The following PRORP variants were observed in gnomAD, a reference collection of about 807,000 sequenced individuals.
The protein encoded by PRORP is mitochondrial ribonuclease P catalytic subunit.
In PRORP, 51 loss-of-function variants were observed where a neutral mutation model predicts 59.4. That is an observed-to-expected ratio of 0.86 (90% CI 0.69 to 1.08). The LOEUF (loss-of-function observed/expected upper bound fraction) is 1.08. PRORP is among the 50% of genes least tolerant of loss of function. The pLI, the probability that PRORP is intolerant of heterozygous loss-of-function variation, is 0.00. For missense variants in PRORP, 646 were observed against 690.3 expected (o/e 0.94, Z 0.72); for synonymous variants, 231 against 245.6 (o/e 0.94, Z 0.55).
chr14:35,178,370 G>T (rs1267090023), intron 4 of PRORP, among the ~76,000 whole-genome samples: 2 of 152,086 alleles, frequency 1.3e-5, no homozygotes, highest in Non-Finnish European at 2.9e-5. Context: ...TTATTGTGTG[G>T]GTGTCTAAGT....
chr14:35,243,163 A>G (rs888467447), intron 5 of PRORP, among the ~76,000 whole-genome samples: 1 of 152,204 alleles, frequency 6.6e-6, no homozygotes, highest in African/African-American at 2.4e-5. Flanking sequence ...AAAAGTACCT[A>G]AGGATTTCCC....
At chr14:35,212,883 G>C (rs1425244326) in intron 5 of PRORP, among the ~76,000 whole-genome samples, 1 of 152,138 alleles carries the variant, frequency 6.6e-6, no homozygotes, top group Non-Finnish European at 1.5e-5. Flanking sequence ...CTAATAGAAG[G>C]CTTTTTTGTC....
At chr14:35,224,117 T>C (rs2049869367) in intron 5 of PRORP, among the ~76,000 whole-genome samples, 1 of 152,198 alleles carries the variant, frequency 6.6e-6, no homozygotes, top group Non-Finnish European at 1.5e-5. Context: ...ATACTGTTTA[T>C]CTTTTAGCTA....
chr14:35,240,686 C>T (rs2050342987), intron 5 of PRORP, among the ~76,000 whole-genome samples: 1 of 151,958 alleles, frequency 6.6e-6, no homozygotes, highest in East Asian at 1.9e-4. Flanking sequence ...ATTGAGTTAC[C>T]CAAGCCAGCA....
intron 5 of PRORP, among the ~76,000 whole-genome samples, chr14:35,215,105 C>T (rs557559901): frequency 6.6e-6 from 1 of 151,940 alleles, no homozygotes; most frequent in African/African-American, 2.4e-5. Context: ...TTATGATCTT[C>T]GGTGGTCTCT....
intron 4 of PRORP, chr14:35,144,445 A>G (rs2047558262): frequency 6.8e-6 from 1 of 146,000 alleles, no homozygotes; most frequent in Admixed American, 7.1e-5. Context: ...TGGCTTTGGG[A>G]GGAGCAGGGA....
At chr14:35,269,317 A>G (rs1296253134) in intron 6 of PRORP, among the ~76,000 whole-genome samples, 2 of 152,214 alleles carry the variant, frequency 1.3e-5, no homozygotes, top group East Asian at 3.8e-4. Flanking sequence ...GAAAAATTAG[A>G]TAAATTTGAA....
intron 4 of PRORP, among the ~76,000 whole-genome samples, chr14:35,163,466 T>C (rs1478926974): frequency 6.6e-6 from 1 of 152,180 alleles, no homozygotes; most frequent in Non-Finnish European, 1.5e-5. Flanking sequence ...TTCTAACTGG[T>C]TTGAGATGGC....
intron 5 of PRORP, among the ~76,000 whole-genome samples, chr14:35,199,393 C>A (rs1359273756): frequency 6.6e-6 from 1 of 151,742 alleles, no homozygotes; most frequent in Non-Finnish European, 1.5e-5. Flanking sequence ...TGTGTCCACT[C>A]CACATTCATG....
chr14:35,157,564 AT>A (rs2047947137), intron 4 of PRORP, among the ~76,000 whole-genome samples: 1 of 152,030 alleles, frequency 6.6e-6, no homozygotes, highest in Non-Finnish European at 1.5e-5. Flanking sequence ...TAATTTTTGT[AT>A]TTTTAGTAGA....
At chr14:35,158,677 A>G (rs2047981617) in intron 4 of PRORP, 5 of 405,594 alleles carry the variant, frequency 1.2e-5, no homozygotes, top group South Asian at 9.2e-5. Context: ...CAGATTTACT[A>G]TCAATGTAGT....
rs1347131198 is a variant in PRORP, at chr14:35,138,078, T to C, written c.1167+10467T>C. Among the ~76,000 whole-genome samples the C allele has an allele frequency of 1.4e-5, 2 of 145,870 alleles. 1 individual carries two copies. Among genetic ancestry groups the C allele is most frequent in the Non-Finnish European group, 3.0e-5 (2 of 65,590 alleles). ...GTCCAAGATCAAGGTGTTGTCAGCT[T>C]TGGTTTCTCTTGATCCCTCTCTCTT... On this transcript the variant is annotated intron_variant, in intron 4 of 7. Transcript: ENST00000534898.
intron 4 of PRORP, among the ~76,000 whole-genome samples, chr14:35,170,137 T>C (rs540669825): frequency 3.9e-5 from 6 of 152,334 alleles, no homozygotes; most frequent in Admixed American, 2.6e-4. Flanking sequence ...CTTAAGCTTA[T>C]TGATGCATGA....
chr14:35,193,742 T>C lies in PRORP; in HGVS notation c.1275+12965T>C, dbSNP rs187180618. Among the ~76,000 whole-genome samples the C allele has an allele frequency of 2.1e-3, 313 of 152,026 alleles. 4 individuals carry two copies. Among genetic ancestry groups the C allele is most frequent in the Non-Finnish European group, 8.8e-4 (60 of 67,980 alleles). On this transcript the variant is annotated intron_variant, in intron 5 of 7. Transcript: ENST00000534898. ...GTGGGAAGGAAACTTAGAAATACCC[T>C]ATTATGTTTACAATAGGAAATGTTA...
intron 7 of PRORP, among the ~76,000 whole-genome samples, chr14:35,271,156 C>CTTTTTTT (rs762721923): frequency 1.7e-5 from 2 of 114,562 alleles, no homozygotes; most frequent in Non-Finnish European, 3.6e-5. Flanking sequence ...ATTATGACTT[C>CTTTTTTT]TTTTTTTTTT....
chr14:35,211,150 T>C (rs1050701136), intron 5 of PRORP, among the ~76,000 whole-genome samples: 1 of 152,202 alleles, frequency 6.6e-6, no homozygotes, highest in Non-Finnish European at 1.5e-5. Context: ...AACAGTGATA[T>C]ACATATATAG....
intron 5 of PRORP, among the ~76,000 whole-genome samples, chr14:35,197,002 A>G (rs1443976413): frequency 6.6e-6 from 1 of 152,242 alleles, no homozygotes; most frequent in Non-Finnish European, 1.5e-5. Context: ...CAAATGTCCC[A>G]GAAAGGAACA....
chr14:35,230,292 T>C (rs1250638229), intron 5 of PRORP, among the ~76,000 whole-genome samples: 1 of 152,176 alleles, frequency 6.6e-6, no homozygotes, highest in Admixed American at 6.5e-5. Context: ...ACTCAAGCAA[T>C]CCACCCGCCT....
chr14:35,156,778 A>T (rs1404152736), intron 4 of PRORP, among the ~76,000 whole-genome samples: 1 of 152,238 alleles, frequency 6.6e-6, no homozygotes, highest in Non-Finnish European at 1.5e-5. Flanking sequence ...GGCCATATCA[A>T]GGTACAGTGT....
Sources: gnomAD v4.1 joint callset for allele counts (sites outside exome capture counted in the v4.1 genomes callset) on GRCh38, gnomAD v4.1.1 for gene constraint, MANE v1.5 for transcripts, NCBI Gene and HGNC (gene_info 2026-07-23, HGNC 2026-07-21) for gene names.